Variants in PTPRQ observed in about 807,000 individuals in gnomAD.
The protein encoded by PTPRQ is protein tyrosine phosphatase receptor type Q, also known as phosphatidylinositol phosphatase PTPRQ.
A neutral mutation model predicts 246.0 loss-of-function variants in PTPRQ; 199 were observed. That is an observed-to-expected ratio of 0.81 (90% CI 0.72 to 0.91). The LOEUF (loss-of-function observed/expected upper bound fraction) is 0.91, where lower values mean the gene tolerates loss of function less well. Ranked by LOEUF, PTPRQ falls within the 40% of genes least tolerant of loss-of-function variation. The pLI is 0.00. For synonymous variants in PTPRQ, 869 were observed against 853.2 expected (o/e 1.02, Z -0.32); for missense variants, 2,624 against 2,528.4 (o/e 1.04, Z -0.81).
At chr12:80,648,481 A>G (rs1041696407) in intron 35 of PTPRQ, among the ~76,000 whole-genome samples, 3 of 152,110 alleles carry the variant, frequency 2.0e-5, no homozygotes, top group African/African-American at 7.2e-5. Flanking sequence ...ATGTGATGTC[A>G]TGTTTCATGG....
At chr12:80,479,134 G>A (rs1242585844) in intron 8 of PTPRQ, among the ~76,000 whole-genome samples, 8 of 151,670 alleles carry the variant, frequency 5.3e-5, no homozygotes, top group South Asian at 2.1e-4. Flanking sequence ...GAGAAAGGTC[G>A]GGTTACCCTC....
At chr12:80,610,683 C>G (rs1040178654) in intron 28 of PTPRQ, 58 bp downstream of exon 28, 1 of 1,524,996 alleles carries the variant, frequency 6.6e-7, no homozygotes, top group Admixed American at 2.0e-5. Flanking sequence ...GGCTTTCTTA[C>G]AGTTCATCAT....
At chr12:80,652,982 C>A (rs1481470523) in intron 38 of PTPRQ, 148 bp downstream of exon 38, 7 of 1,017,904 alleles carry the variant, frequency 6.9e-6, no homozygotes, top group Non-Finnish European at 8.9e-6. Flanking sequence ...AATTATATAT[C>A]TTTTGCTTTG....
intron 33 of PTPRQ, among the ~76,000 whole-genome samples, chr12:80,626,750 A>C (rs947921022): frequency 2.6e-5 from 4 of 152,102 alleles, no homozygotes; most frequent in African/African-American, 9.7e-5. Flanking sequence ...GTTCATTACT[A>C]TGGGTGATGT....
chr12:80,459,190 T>C (rs1893069259), intron 4 of PTPRQ, 94 bp from the exon 5 acceptor site: 1 of 396,520 alleles, frequency 2.5e-6, no homozygotes, highest in African/African-American at 2.1e-5. Context: ...ATGCAGTGTA[T>C]TATATATTTA....
intron 28 of PTPRQ, among the ~76,000 whole-genome samples, chr12:80,612,818 C>T (rs1264798494): frequency 1.3e-5 from 2 of 150,354 alleles, no homozygotes. Flanking sequence ...CTGCTACATC[C>T]ACAAAATGGA....
chr12:80,563,097 A>G lies in PTPRQ; in HGVS notation c.4285+13363A>G, dbSNP rs77410128. Among the ~76,000 whole-genome samples the G allele has an allele frequency of 2.4e-3, 365 of 152,272 alleles. 8 individuals carry two copies. The East Asian group carries it at 0.059, about 24-fold the overall frequency. On this transcript the variant is annotated intron_variant, in intron 25 of 44. Transcript: ENST00000644991. Reference sequence around the variant, plus strand: ...TGAACAGTTGAATAAAATTAATACTATAAGTATTAAAGACATTAAGTGTAT... The same window carrying G: ...TGAACAGTTGAATAAAATTAATACTGTAAGTATTAAAGACATTAAGTGTAT...
At chr12:80,617,132 A>G (rs1403625605) in intron 30 of PTPRQ, among the ~76,000 whole-genome samples, 1 of 151,232 alleles carries the variant, frequency 6.6e-6, no homozygotes, top group Admixed American at 6.6e-5. Context: ...GCTGGATTGA[A>G]TCATGGATTA....
chr12:80,596,037 A>G (rs996892523), intron 26 of PTPRQ, among the ~76,000 whole-genome samples: 11 of 152,096 alleles, frequency 7.2e-5, no homozygotes, highest in Non-Finnish European at 1.5e-4. Context: ...GAGAAGCATT[A>G]AAAATATCTA....
intron 9 of PTPRQ, among the ~76,000 whole-genome samples, chr12:80,488,539 T>A (rs1894351022): frequency 6.6e-6 from 1 of 152,084 alleles, no homozygotes; most frequent in African/African-American, 2.4e-5. Flanking sequence ...TATATGCATA[T>A]TATTTAGTGT....
intron 38 of PTPRQ, among the ~76,000 whole-genome samples, chr12:80,656,800 T>C (rs1592765713): frequency 1.3e-5 from 2 of 150,596 alleles, no homozygotes; most frequent in African/African-American, 4.9e-5. Flanking sequence ...AAAGATGAAA[T>C]GTTAAAAAAT....
In PTPRQ at chr12:80,619,600, A is replaced by G. The variant is rs535383183; in HGVS notation, c.5389+58A>G. The G allele has an allele frequency of 1.7e-3, 2,186 of 1,324,526 alleles. 3 individuals are homozygous for G. Among genetic ancestry groups the G allele is most frequent in the Non-Finnish European group, 2.0e-3 (2,020 of 1,029,214 alleles). 82.0% of individuals were successfully genotyped at this position (1,324,526 alleles called of 1,614,324 possible). ...TGTGGAGTGTAGATTACTGAGTGCT[A>G]AAAAGAATTTAGTTCAAATTAAGAT... On this transcript the variant is annotated intron_variant, in intron 31 of 44. Transcript: ENST00000644991.
intron 25 of PTPRQ, among the ~76,000 whole-genome samples, chr12:80,575,167 C>A (rs1470778782): frequency 1.3e-5 from 2 of 152,186 alleles, no homozygotes; most frequent in Non-Finnish European, 2.9e-5. Flanking sequence ...ATTAAAATAT[C>A]TAGTCACACT....
In PTPRQ at chr12:80,445,727, T is replaced by C. The variant is rs1892533890; in HGVS notation, c.390+10T>C. On this transcript the variant is annotated intron_variant, in intron 3 of 44. Transcript: ENST00000644991. ...AACATATGAAATTAAGGTAATTATT[T>C]TGTGTATGACTACTTAGTGTTCAAA... The C allele has an allele frequency of 4.1e-6, 6 of 1,474,576 alleles. No individual in the cohort carries two copies. The highest frequency in any genetic ancestry group is 1.9e-6 in the Non-Finnish European group (2 of 1,077,630). The allele number at this position is 1,474,576 out of a possible 1,614,324, so 91.3% of individuals were successfully genotyped here. A position where few individuals can be genotyped will look rare whatever the true frequency, so the allele number is the denominator to read the frequency against.
In PTPRQ at chr12:80,673,154, T is replaced by A; in HGVS notation, c.6603-15T>A. ...CTTTGCTGAATAATTTTCATGTAAT[T>A]TACCCTTCCTGTAGTGCTGGAGTTG... On this transcript the variant is annotated splice_polypyrimidine_tract_variant and intron_variant, in intron 42 of 44. Coordinates refer to ENST00000644991, the MANE Select transcript of PTPRQ (RefSeq NM_001145026.2). 6.5e-7 allele frequency: 1 copy of A among 1,549,728 alleles called. No individual in the cohort carries two copies. Among genetic ancestry groups the A allele is most frequent in the Non-Finnish European group, 8.7e-7 (1 of 1,145,694 alleles).
At position 80,673,072 on chromosome 12, in the gene PTPRQ, A is replaced by C. The variant is rs950124; in HGVS notation, c.6603-97A>C. 1.6e-5 allele frequency: 23 copies of C among 1,451,836 alleles called. 1 individual carries two copies. The South Asian group carries it at 3.2e-4, about 20-fold the overall frequency. 89.9% of individuals were successfully genotyped at this position (1,451,836 alleles called of 1,614,324 possible). A position where few individuals can be genotyped will look rare whatever the true frequency, so the allele number is the denominator to read the frequency against. ...CTGCCTCCAAATAAGAGAAGAAACT[A>C]TTAGAATTTATTGCTATCATAGCTC... On this transcript the variant is annotated intron_variant, in intron 42 of 44. Transcript: ENST00000644991.
rs560187761 is a variant in PTPRQ at position 80,615,081 on chromosome 12, T to C, written c.5164-1119T>C. Among the ~76,000 whole-genome samples, 9 of 151,172 alleles carry C rather than the reference T, an allele frequency of 6.0e-5. No homozygotes were observed. In the South Asian group the frequency reaches 1.9e-3, roughly 31 times the overall value. On this transcript the variant is annotated intron_variant, in intron 29 of 44. Transcript: ENST00000644991. Reference sequence around the variant, plus strand: ...GTGTGCGAATGACTTCTTTGCACACTGCAATTTCAGAGGCAGTGCCCAAAT... The same window carrying C: ...GTGTGCGAATGACTTCTTTGCACACCGCAATTTCAGAGGCAGTGCCCAAAT...
intron 25 of PTPRQ, among the ~76,000 whole-genome samples, chr12:80,578,931 T>C (rs925523544): frequency 2.6e-5 from 4 of 152,208 alleles, no homozygotes; most frequent in African/African-American, 9.7e-5. Context: ...GCCAAATTTA[T>C]AATTTACTTC....
chr12:80,542,768 T>G lies in PTPRQ; in HGVS notation c.3760T>G (p.Cys1254Gly). 2 of 1,549,112 alleles carry G rather than the reference T, an allele frequency of 1.3e-6. No individual in the cohort carries two copies. Among genetic ancestry groups the G allele is most frequent in the Non-Finnish European group, 1.7e-6 (2 of 1,145,974 alleles). Residue 1254 changes from cysteine (C) to glycine (G), a missense_variant, in exon 23 of 45, where the codon TGT (cysteine) becomes GGT (glycine). Physicochemically the swap from Cys to Gly is radical, Grantham distance 159. Coordinates refer to ENST00000644991, the MANE Select transcript of PTPRQ (RefSeq NM_001145026.2). ...TCCACAAAATTTGACTTTAATCAACTGTACTTCAGACTTTGTATGGCTGAA... is the reference window on the plus strand; with the variant it reads ...TCCACAAAATTTGACTTTAATCAACGGTACTTCAGACTTTGTATGGCTGAA... ...APPQNLTLINCTSDFVWLKWS... is the reference protein window; with the variant it reads ...APPQNLTLINGTSDFVWLKWS...
Sources: gnomAD v4.1 joint callset for allele counts (sites outside exome capture counted in the v4.1 genomes callset) on GRCh38, gnomAD v4.1.1 for gene constraint, MANE v1.5 for transcripts, NCBI Gene and HGNC (gene_info 2026-07-23, HGNC 2026-07-21) for gene names.